The following MKRN1 variants were observed in gnomAD, a reference collection of about 807,000 sequenced individuals.
The protein encoded by MKRN1 is E3 ubiquitin-protein ligase makorin-1.
A neutral mutation model predicts 55.5 loss-of-function variants in MKRN1; 9 were observed. The observed-to-expected ratio is 0.16, with a 90% CI of 0.10 to 0.28. The LOEUF (loss-of-function observed/expected upper bound fraction) is 0.28, where lower values mean the gene tolerates loss of function less well. Among genes scored for constraint, MKRN1 ranks in the 10% least tolerant of loss-of-function variants. The pLI is 1.00. For synonymous variants in MKRN1, 253 were observed against 235.9 expected (o/e 1.07, Z -0.66); for missense variants, 488 against 626.7 (o/e 0.78, Z 2.36).
chr7:140,468,647 G>A (rs1049050545), intron 2 of MKRN1, among the ~76,000 whole-genome samples: 1 of 122,922 alleles, frequency 8.1e-6, no homozygotes, highest in Non-Finnish European at 1.6e-5. Flanking sequence ...GTTGCAGTGA[G>A]TTGAGATCAT....
chr7:140,462,898 G>A (rs769755314), intron 2 of MKRN1, among the ~76,000 whole-genome samples: 1 of 152,140 alleles, frequency 6.6e-6, no homozygotes, highest in Non-Finnish European at 1.5e-5. Flanking sequence ...CCCAGGAAGC[G>A]GATGTTGCGG....
At position 140,467,869 on chromosome 7, in the gene MKRN1, G is replaced by A. The variant is rs531589624; in HGVS notation, c.314+4014C>T. Among the ~76,000 whole-genome samples, 23 of 152,066 alleles carry A rather than the reference G, an allele frequency of 1.5e-4. No individual in the cohort carries two copies. The South Asian group carries it at 4.4e-3, about 29-fold the overall frequency. ...AATACAAAATTAGCTGGGCATGGTG[G>A]CACATGCCTGTAATCCCAGCTACTT... On this transcript the variant is annotated intron_variant, in intron 2 of 7. Coordinates refer to ENST00000255977, the MANE Select transcript of MKRN1 (RefSeq NM_013446.4).
At chr7:140,468,003 A>C (rs1190031276) in intron 2 of MKRN1, among the ~76,000 whole-genome samples, 1 of 70,646 alleles carries the variant, frequency 1.4e-5, no homozygotes, top group Non-Finnish European at 2.4e-5. Context: ...ATTCTGTCTC[A>C]AAAAAAAAAA....
intron 1 of MKRN1, among the ~76,000 whole-genome samples, chr7:140,472,760 T>A (rs1272648861): frequency 6.6e-6 from 1 of 151,120 alleles, no homozygotes; most frequent in African/African-American, 2.4e-5. Flanking sequence ...TATGACTCTG[T>A]CTCAAAAAAA....
At chr7:140,475,573 A>C (rs1172481347) in intron 1 of MKRN1, among the ~76,000 whole-genome samples, 1 of 152,138 alleles carries the variant, frequency 6.6e-6, no homozygotes, top group Non-Finnish European at 1.5e-5. Context: ...TTCAAGCAGG[A>C]GGATTGCTTG....
intron 1 of MKRN1, among the ~76,000 whole-genome samples, chr7:140,476,010 G>GA (rs1795105363): frequency 6.6e-6 from 1 of 152,152 alleles, no homozygotes; most frequent in East Asian, 1.9e-4. Context: ...AGAAACATTA[G>GA]AAAAAATGTA....
chr7:140,468,503 C>A (rs1244135141), intron 2 of MKRN1, among the ~76,000 whole-genome samples: 1 of 150,912 alleles, frequency 6.6e-6, no homozygotes, highest in Non-Finnish European at 1.5e-5. Context: ...GAGTTTGAGA[C>A]CAGCCTGGCC....
rs536874043 is a variant in MKRN1 at position 140,474,656 on chromosome 7, G to A, written c.186-2645C>T. Among the ~76,000 whole-genome samples, 264 of 151,660 alleles carry A rather than the reference G, an allele frequency of 1.7e-3. 1 individual carries two copies. The highest frequency in any genetic ancestry group is 3.4e-3 in the Middle Eastern group (1 of 290). ...CTCACAACCACTATGTAGTTTCCAA[G>A]TAATAAATTTCACTATGGACGTCAC... On this transcript the variant is annotated intron_variant, in intron 1 of 7. Coordinates refer to ENST00000255977, the MANE Select transcript of MKRN1 (RefSeq NM_013446.4).
chr7:140,477,065 T>C (rs938012921), intron 1 of MKRN1, among the ~76,000 whole-genome samples: 7 of 131,986 alleles, frequency 5.3e-5, no homozygotes, highest in African/African-American at 2.1e-4. Context: ...ACCATTGCAC[T>C]CCAACCTGGG....
At chr7:140,454,935 C>T (rs1290468491) in intron 7 of MKRN1, among the ~76,000 whole-genome samples, 160 bp downstream of exon 7, 7 of 152,132 alleles carry the variant, frequency 4.6e-5, no homozygotes, top group Admixed American at 2.6e-4. Flanking sequence ...TCTTCCTTTC[C>T]TATCCCTCCC....
chr7:140,474,005 A>AAAGAAAGAAAGAAAGAAAG (rs1554450297), intron 1 of MKRN1, among the ~76,000 whole-genome samples: 5 of 65,654 alleles, frequency 7.6e-5, no homozygotes, highest in African/African-American at 4.8e-4. Context: ...AAAAAAAAAA[A>AAAGAAAGAAAGAAAGAAAG]AAAGAAAGAA....
At chr7:140,473,998 A>G (rs1463719223) in intron 1 of MKRN1, among the ~76,000 whole-genome samples, 5 of 124,374 alleles carry the variant, frequency 4.0e-5, no homozygotes, top group African/African-American at 1.8e-4. Flanking sequence ...GTCTCAAAAA[A>G]AAAAAAAAAA....
Position 140,464,354 on chromosome 7 carries a change from C to A in MKRN1, c.315-4418G>T, listed in dbSNP as rs185128140. On this transcript the variant is annotated intron_variant, in intron 2 of 7. Coordinates refer to ENST00000255977, the MANE Select transcript of MKRN1 (RefSeq NM_013446.4). ...AGGAATTTGAGGCTATAGTGAGTCA[C>A]GATCACACCACTGCACTCCAGCCTG... Among the ~76,000 whole-genome samples, 454 of 151,686 alleles carry A rather than the reference C, an allele frequency of 3.0e-3. 2 individuals carry two copies. Among genetic ancestry groups the A allele is most frequent in the African/African-American group, 0.01 (418 of 41,380 alleles).
intron 1 of MKRN1, among the ~76,000 whole-genome samples, chr7:140,477,067 C>A (rs1795143553): frequency 7.4e-6 from 1 of 134,260 alleles, no homozygotes; most frequent in Non-Finnish European, 1.5e-5. Context: ...CATTGCACTC[C>A]AACCTGGGAA....
In MKRN1 at chr7:140,455,467, G is replaced by T. The variant is rs146046912; in HGVS notation, c.1098-234C>A. 40 of 575,752 alleles carry T rather than the reference G, an allele frequency of 6.9e-5. No individual in the cohort carries two copies. The East Asian group carries it at 1.0e-3, about 15-fold the overall frequency. The allele number at this position is 575,752 out of a possible 1,614,324, so 35.7% of individuals were successfully genotyped here. On this transcript the variant is annotated intron_variant, in intron 6 of 7. Transcript: ENST00000255977. ...AGCTCTAGTACAAGCAGATGCCATA[G>T]AGAGAAAATCTTCTAGAAAGCCAAC...
chr7:140,455,472 A>C, intron 6 of MKRN1: 1 of 573,952 alleles, frequency 1.7e-6, no homozygotes. Flanking sequence ...CCATAGAGAG[A>C]AAATCTTCTA....
At chr7:140,470,914 G>A (rs762630851) in intron 2 of MKRN1, among the ~76,000 whole-genome samples, 13 of 150,576 alleles carry the variant, frequency 8.6e-5, no homozygotes, top group Non-Finnish European at 1.5e-4. Context: ...GACAAGACTC[G>A]GTCTCACACA....
intron 1 of MKRN1, among the ~76,000 whole-genome samples, chr7:140,474,140 T>A (rs979281047): frequency 3.3e-5 from 5 of 151,620 alleles, no homozygotes; most frequent in African/African-American, 1.2e-4. Flanking sequence ...GGCAGGTGGA[T>A]CACCTGAGGT....
intron 1 of MKRN1, among the ~76,000 whole-genome samples, chr7:140,475,000 T>TGA (rs1202990400): frequency 6.6e-6 from 1 of 151,644 alleles, no homozygotes; most frequent in African/African-American, 2.4e-5. Flanking sequence ...ATTACAGGGG[T>TGA]GAGACACCAC....
Sources: gnomAD v4.1 joint callset for allele counts (sites outside exome capture counted in the v4.1 genomes callset) on GRCh38, gnomAD v4.1.1 for gene constraint, MANE v1.5 for transcripts, NCBI Gene and HGNC (gene_info 2026-07-23, HGNC 2026-07-21) for gene names.